The following LYG1 variants were observed in gnomAD, a reference collection of about 807,000 sequenced individuals.
LYG1 encodes the protein lysozyme g-like protein 1.
LYG1 carries 17 observed loss-of-function variants against 21.7 expected under a neutral mutation model. The observed-to-expected ratio is 0.78, with a 90% CI of 0.54 to 1.18. The LOEUF is 1.18. LYG1 is among the 50% of genes most tolerant of loss of function. LYG1 has a pLI of 0.00. For missense variants in LYG1, 211 were observed against 238.1 expected, an observed-to-expected ratio of 0.89 and a Z score of 0.75; for synonymous variants, 81 against 87.4, an observed-to-expected ratio of 0.93 and a Z score of 0.41.
At chr2:99,291,517 T>C in intron 4 of LYG1, 96 bp from the exon 5 acceptor site, 1 of 1,360,002 alleles carries the variant, frequency 7.4e-7, no homozygotes, top group Non-Finnish European at 1.0e-6. Flanking sequence ...AGGATCTGAG[T>C]AATGGTCGAG....
chr2:99,287,198 G>T (rs2094102867), intron 5 of LYG1, among the ~76,000 whole-genome samples: 2 of 152,184 alleles, frequency 1.3e-5, no homozygotes, highest in African/African-American at 4.8e-5. Flanking sequence ...GTATGACATT[G>T]TGCCTATAAT....
intron 3 of LYG1, among the ~76,000 whole-genome samples, chr2:99,292,985 CT>C (rs70940159): frequency 8.7e-4 from 72 of 83,156 alleles, no homozygotes; most frequent in African/African-American, 2.8e-3. Context: ...CCTCATCTTA[CT>C]TTTTTTTTTT....
At chr2:99,298,903 T>G in intron 1 of LYG1, among the ~76,000 whole-genome samples, 1 of 152,286 alleles carries the variant, frequency 6.6e-6, no homozygotes. Context: ...TTTTTAATTT[T>G]AATTTTAATT....
chr2:99,287,532 A>T (rs1042551735), intron 5 of LYG1, among the ~76,000 whole-genome samples: 1 of 152,168 alleles, frequency 6.6e-6, no homozygotes, highest in African/African-American at 2.4e-5. Context: ...TAAAGGTTGG[A>T]AAAAAGGCTT....
chr2:99,299,007 A>G (rs1397329632), intron 1 of LYG1, among the ~76,000 whole-genome samples: 1 of 150,598 alleles, frequency 6.6e-6, no homozygotes, highest in Non-Finnish European at 1.5e-5. Context: ...TCTCAGCTCA[A>G]TGCAACCTCC....
intron 1 of LYG1, among the ~76,000 whole-genome samples, chr2:99,300,638 T>C (rs1249163165): frequency 1.3e-5 from 2 of 151,780 alleles, no homozygotes; most frequent in Non-Finnish European, 2.9e-5. Context: ...AGACTGCCCA[T>C]GAGGGCAGGC....
upstream of LYG1, among the ~76,000 whole-genome samples, chr2:99,302,646 T>C (rs1328762679): frequency 6.6e-6 from 1 of 152,154 alleles, no homozygotes; most frequent in African/African-American, 2.4e-5. Context: ...AATGAGTAAA[T>C]GAATGATTTA....
At chr2:99,287,887 A>G (rs1467207092) in intron 5 of LYG1, among the ~76,000 whole-genome samples, 2 of 152,152 alleles carry the variant, frequency 1.3e-5, no homozygotes, top group Non-Finnish European at 2.9e-5. Context: ...ACAATTGTGT[A>G]TATCCTAATG....
At chr2:99,293,108 C>T (rs1038422158) in intron 3 of LYG1, among the ~76,000 whole-genome samples, 1 of 145,118 alleles carries the variant, frequency 6.9e-6, no homozygotes, top group Non-Finnish European at 1.5e-5. Flanking sequence ...TCTCCTGCTT[C>T]AGCCTCCCAA....
At chr2:99,292,455 C>A in intron 4 of LYG1, 81 bp downstream of exon 4, 2 of 1,074,638 alleles carry the variant, frequency 1.9e-6, no homozygotes, top group Non-Finnish European at 2.8e-6. Flanking sequence ...ACCCGGAACT[C>A]TTTCCAACAC....
chr2:99,298,186 C>T (rs1403280975), intron 2 of LYG1, among the ~76,000 whole-genome samples: 2 of 152,188 alleles, frequency 1.3e-5, no homozygotes, highest in East Asian at 3.8e-4. Context: ...TTCCCTATGA[C>T]TCATTTGTTA....
chr2:99,303,211 C>T (rs2094159450), upstream of LYG1, among the ~76,000 whole-genome samples: 1 of 151,912 alleles, frequency 6.6e-6, no homozygotes. Flanking sequence ...AGAACTAATG[C>T]ACCCATTAAA....
chr2:99,304,437 A>T (rs541180419), upstream of LYG1, among the ~76,000 whole-genome samples: 1 of 152,324 alleles, frequency 6.6e-6, no homozygotes, highest in South Asian at 2.1e-4. Context: ...TGCTTTTGTA[A>T]ATTGCTCAGT....
At chr2:99,300,752 CA>C (rs2094151597) in intron 1 of LYG1, among the ~76,000 whole-genome samples, 1 of 140,146 alleles carries the variant, frequency 7.1e-6, no homozygotes, top group Admixed American at 7.5e-5. Flanking sequence ...GTTAAGTGCA[CA>C]CACATTTCTT....
chr2:99,304,242 T>TC (rs1288128867), upstream of LYG1, among the ~76,000 whole-genome samples: 1 of 152,084 alleles, frequency 6.6e-6, no homozygotes, highest in East Asian at 1.9e-4. Flanking sequence ...GGAGGCAGTT[T>TC]CCCCCATACT....
intron 3 of LYG1, among the ~76,000 whole-genome samples, chr2:99,292,882 C>T (rs925921699): frequency 3.3e-5 from 5 of 151,870 alleles, no homozygotes; most frequent in African/African-American, 1.2e-4. Flanking sequence ...GCTATTGAAG[C>T]AGTTACACTC....
intron 3 of LYG1, 21 bp downstream of exon 3, chr2:99,295,607 G>A: frequency 6.2e-7 from 1 of 1,613,970 alleles, no homozygotes; most frequent in Non-Finnish European, 8.5e-7. Flanking sequence ...AAAGTCATTT[G>A]TAAAAATCAG....
chr2:99,284,566 G>C (rs2094091635), intron 6 of LYG1, 55 bp from the exon 7 acceptor site: 1 of 1,595,982 alleles, frequency 6.3e-7, no homozygotes, highest in South Asian at 1.1e-5. Flanking sequence ...AGTTAACTCT[G>C]ATTCTCTTTA....
intron 3 of LYG1, among the ~76,000 whole-genome samples, chr2:99,293,228 G>A (rs187481118): frequency 6.6e-5 from 10 of 152,224 alleles, no homozygotes; most frequent in Admixed American, 5.9e-4. Flanking sequence ...TTGACCTCAA[G>A]TGATCCGCCC....
Sources: allele counts gnomAD v4.1 joint callset (sites outside exome capture counted in the v4.1 genomes callset), GRCh38; gene constraint gnomAD v4.1.1; transcripts MANE v1.5; gene names NCBI Gene and HGNC (gene_info 2026-07-23, HGNC 2026-07-21).